Variants in CDKN2A observed in about 807,000 individuals in gnomAD.
The protein encoded by CDKN2A is cyclin-dependent kinase inhibitor 2A.
CDKN2A carries 3 observed loss-of-function variants against 11.1 expected under a neutral mutation model. The observed-to-expected ratio is 0.27, with a 90% CI of 0.12 to 0.70. The LOEUF is 0.70. CDKN2A is among the 30% of genes least tolerant of loss of function. CDKN2A has a pLI of 0.77. For synonymous variants in CDKN2A, 122 were observed against 108.1 expected (o/e 1.13, Z -0.80); for missense variants, 265 against 233.6 (o/e 1.13, Z -0.88).
chr9:21,994,185 T>G (rs1022604255), intron 1 of CDKN2A: 1 of 1,605,736 alleles, frequency 6.2e-7, no homozygotes, highest in Non-Finnish European at 8.5e-7. Context: ...GGCTCCTCAG[T>G]AGCATCAGCA....
In CDKN2A at chr9:21,968,450, A is replaced by G. The variant is rs1819517567; in HGVS notation, c.458-208T>C. The stretch of plus-strand genomic sequence containing the variant: ...AGTCCACTGCCCGCCTGGCTGCTCC[A>G]GGCGCGCCGACCGCTCAAGCGCTCC... On this transcript the variant is annotated intron_variant, in intron 2 of 2. Coordinates refer to ENST00000304494, the MANE Select transcript of CDKN2A (RefSeq NM_000077.5). This position sits in a 1 kb window ranked among gnomAD's most constrained non-coding sequence, Gnocchi z 4.7. 2 of 1,488,494 alleles carry G rather than the reference A, an allele frequency of 1.3e-6. No homozygotes were observed. The highest frequency in any genetic ancestry group is 1.8e-6 in the Non-Finnish European group (2 of 1,122,462). The allele number at this position is 1,488,494 out of a possible 1,614,324, so 92.2% of individuals were successfully genotyped here. A position where few individuals can be genotyped will look rare whatever the true frequency, so the allele number is the denominator to read the frequency against.
Position 21,994,054 on chromosome 9 carries a change from C to T in CDKN2A, c.-175-1G>A, listed in dbSNP as rs1455288636. 1.4e-6 allele frequency: 2 copies of T among 1,452,582 alleles called. No homozygotes were observed. The highest frequency in any genetic ancestry group is 2.8e-5 in the African/African-American group (2 of 71,862). The allele number at this position is 1,452,582 out of a possible 1,614,324, so 90.0% of individuals were successfully genotyped here. On this transcript the variant is annotated splice_acceptor_variant, in intron 1 of 3. Transcript: ENST00000494262. LOFTEE classifies it low-confidence loss of function (5UTR_SPLICE). ...TATCTCCTCCTCCTCCTAGCCTGGG[C>T]TAGAGACGAATTATCTGTTTACGAA...
At chr9:21,990,934 C>G (rs185934756) in intron 2 of CDKN2A, among the ~76,000 whole-genome samples, 101 of 152,162 alleles carry the variant, frequency 6.6e-4, no homozygotes, top group African/African-American at 2.3e-3. Context: ...AATTGTTTTT[C>G]TTGATGGTGA....
Position 21,974,463 on chromosome 9 carries a change from A to ACG in CDKN2A, c.150+213_150+214dup, listed in dbSNP as rs1563892167. 5 of 1,612,006 alleles carry ACG rather than the reference A, an allele frequency of 3.1e-6. No individual in the cohort carries two copies. Among genetic ancestry groups the ACG allele is most frequent in the Middle Eastern group, 1.7e-4 (1 of 6,052 alleles). ...TCTTCTCAGCATTCGAGAGATCTGT[A>ACG]CGCGCGTGGCTCCTCATTCCTCTTC... On this transcript the variant is annotated intron_variant, in intron 1 of 2. Coordinates refer to ENST00000304494, the MANE Select transcript of CDKN2A (RefSeq NM_000077.5). This position sits in a 1 kb window ranked among gnomAD's most constrained non-coding sequence, Gnocchi z 5.2.
At position 21,988,143 on chromosome 9, in the gene CDKN2A, A is replaced by C. The variant is rs997593245; in HGVS notation, c.-4+5739T>G. Reference sequence around the variant, plus strand: ...CTTAAGAGATTACATGTCTTTGTTCATGTAATTCTGAACCTCTATAAAACT... The same window carrying C: ...CTTAAGAGATTACATGTCTTTGTTCCTGTAATTCTGAACCTCTATAAAACT... On this transcript the variant is annotated intron_variant, in intron 2 of 3. Transcript: ENST00000494262. This position sits in a 1 kb window ranked among gnomAD's most constrained non-coding sequence, Gnocchi z 4.1. Among the ~76,000 whole-genome samples the C allele has an allele frequency of 3.3e-5, 5 of 152,162 alleles. No homozygotes were observed. The highest frequency in any genetic ancestry group is 6.5e-5 in the Admixed American group (1 of 15,284).
chr9:21,994,577 G>C (rs939617947), intron 1 of CDKN2A: 6 of 960,672 alleles, frequency 6.2e-6, no homozygotes, highest in Non-Finnish European at 7.0e-6. Context: ...TCTGAGCCCT[G>C]CGCACGCGGG....
In CDKN2A at chr9:21,995,161, G is replaced by C. The variant is rs1223074724; in HGVS notation, c.-516C>G. On this transcript the variant is annotated 5_prime_UTR_variant, in exon 1 of 4. Transcript: ENST00000494262. This position sits in a 1 kb window ranked among gnomAD's most constrained non-coding sequence, Gnocchi z 5.7. The stretch of plus-strand genomic sequence containing the variant: ...GTCGACCCGGCCTGGCGCCGGACTA[G>C]GTAGGTGGAGTCGCACCCGGGGGTC... 5.3e-5 allele frequency: 8 copies of C among 152,366 alleles called. No individual in the cohort carries two copies. The highest frequency in any genetic ancestry group is 5.2e-4 in the Admixed American group (8 of 15,312). 9.4% of individuals were successfully genotyped at this position (152,366 alleles called of 1,614,324 possible). A position where few individuals can be genotyped will look rare whatever the true frequency, so the allele number is the denominator to read the frequency against.
chr9:21,975,052 C>G, upstream of CDKN2A: 2 of 1,347,852 alleles, frequency 1.5e-6, no homozygotes, highest in Non-Finnish European at 1.9e-6. Context: ...GCTATTAACT[C>G]CGAGCACTTA....
chr9:21,971,228 G>A lies in CDKN2A; in HGVS notation c.151-20C>T, dbSNP rs563273397. Reference sequence around the variant, plus strand: ...CATGACCTGCCAGAGAGAACAGAATGGTCAGAGCCAGGGTGGGGGCCGGCA... The same window carrying A: ...CATGACCTGCCAGAGAGAACAGAATAGTCAGAGCCAGGGTGGGGGCCGGCA... On this transcript the variant is annotated intron_variant, in intron 1 of 2. Coordinates refer to ENST00000304494, the MANE Select transcript of CDKN2A (RefSeq NM_000077.5). 2 of 1,593,780 alleles carry A rather than the reference G, an allele frequency of 1.3e-6. No homozygotes were observed. Among genetic ancestry groups the A allele is most frequent in the Admixed American group, 1.7e-5 (1 of 59,538 alleles).
intron 1 of CDKN2A, chr9:21,994,630 G>T (rs1820556458): frequency 4.6e-6 from 2 of 433,526 alleles, no homozygotes; most frequent in Admixed American, 4.5e-5. Flanking sequence ...GCGCGCGGGC[G>T]GCTCAGGGCC....
intron 2 of CDKN2A, among the ~76,000 whole-genome samples, chr9:21,980,942 G>C (rs13297747): frequency 0.1 from 10,116 of 97,278 alleles, 1,105 homozygotes; most frequent in Middle Eastern, 0.16. Flanking sequence ...CTGGGCAACA[G>C]AGCGAGACTC....
chr9:21,975,246 T>C (rs982622643), upstream of CDKN2A: 3 of 793,968 alleles, frequency 3.8e-6, no homozygotes, highest in Admixed American at 5.5e-5. Context: ...AGCAAAGGCG[T>C]GTTTGAGTGC....
rs764592691 is a variant in CDKN2A at position 21,974,356 on chromosome 9, C to G, written c.150+322G>C. 4.7e-6 allele frequency: 7 copies of G among 1,490,818 alleles called. No homozygotes were observed. Among genetic ancestry groups the G allele is most frequent in the Non-Finnish European group, 6.3e-6 (7 of 1,111,254 alleles). The allele number at this position is 1,490,818 out of a possible 1,614,324, so 92.3% of individuals were successfully genotyped here. A position where few individuals can be genotyped will look rare whatever the true frequency, so the allele number is the denominator to read the frequency against. On this transcript the variant is annotated intron_variant, in intron 1 of 2. Coordinates refer to ENST00000304494, the MANE Select transcript of CDKN2A (RefSeq NM_000077.5). The surrounding 1 kb of genome is among the most constrained non-coding windows in gnomAD (Gnocchi z 5.2). ...ACATCTTACATTTCTTTAAGACTCC[C>G]TTTTTATCCCAAACGTTCGTAAATT...
Position 21,991,668 on chromosome 9 carries a change from G to C in CDKN2A, c.-4+2214C>G. 1 of 984,452 alleles carries C rather than the reference G, an allele frequency of 1.0e-6. No individual in the cohort carries two copies. Among genetic ancestry groups the C allele is most frequent in the Non-Finnish European group, 1.2e-6 (1 of 829,062 alleles). 61.0% of individuals were successfully genotyped at this position (984,452 alleles called of 1,614,324 possible). On this transcript the variant is annotated intron_variant, in intron 2 of 3. Coordinates refer to the CDKN2A transcript ENST00000494262. The surrounding 1 kb of genome is among the most constrained non-coding windows in gnomAD (Gnocchi z 5.2). ...TGGTAGTTGATAGTGATGAACTAAC[G>C]TGGAATAATAGATCTGTAAACCATC...
Position 21,994,007 on chromosome 9 carries a change from T to A in CDKN2A, c.-129A>T, listed in dbSNP as rs911806881. 3 of 993,060 alleles carry A rather than the reference T, an allele frequency of 3.0e-6. No homozygotes were observed. In the African/African-American group the frequency reaches 4.8e-5, roughly 16 times the overall value. 61.5% of individuals were successfully genotyped at this position (993,060 alleles called of 1,614,324 possible). ...CATGTCTAAGTCGTTGTAACCCGAA[T>A]GGGGAAGCCTCCACCGGCGGTTATC... On this transcript the variant is annotated 5_prime_UTR_variant, in exon 2 of 4. Coordinates refer to the CDKN2A transcript ENST00000494262.
intron 1 of CDKN2A, among the ~76,000 whole-genome samples, chr9:21,971,715 T>G (rs1258353270): frequency 6.6e-6 from 1 of 152,038 alleles, no homozygotes; most frequent in East Asian, 1.9e-4. Context: ...AATGTTGAAC[T>G]TCAATTTCTT....
At chr9:21,973,882 C>T (rs1819896615) in intron 1 of CDKN2A, among the ~76,000 whole-genome samples, 1 of 152,026 alleles carries the variant, frequency 6.6e-6, no homozygotes, top group Non-Finnish European at 1.5e-5. Context: ...TAATTTTTCT[C>T]TCTCTCTTTC....
At chr9:21,994,513 C>A (rs1249486574) in intron 1 of CDKN2A, 3 of 1,338,854 alleles carry the variant, frequency 2.2e-6, no homozygotes, top group Non-Finnish European at 2.0e-6. Context: ...CACCTTCACC[C>A]CCACCCCCAC....
At chr9:21,979,831 C>T (rs1031681168), upstream of CDKN2A, among the ~76,000 whole-genome samples, 7 of 152,112 alleles carry the variant, frequency 4.6e-5, no homozygotes, top group Non-Finnish European at 7.4e-5. Flanking sequence ...ACAGTAGGGA[C>T]ACCTGATTAC....
Sources: allele counts gnomAD v4.1 joint callset (sites outside exome capture counted in the v4.1 genomes callset), GRCh38; gene constraint gnomAD v4.1.1; non-coding constraint Gnocchi (gnomAD v3.1); transcripts MANE v1.5; gene names NCBI Gene and HGNC (gene_info 2026-07-23, HGNC 2026-07-21).